The following ABLIM1 variants were observed in gnomAD, a reference collection of about 807,000 sequenced individuals.
ABLIM1 encodes actin-binding LIM protein 1.
Under a neutral mutation model 107.0 loss-of-function variants are expected in ABLIM1, and 40 were observed. The observed-to-expected ratio is 0.37, with a 90% CI of 0.29 to 0.49. ABLIM1 has a LOEUF of 0.49. Ranked by LOEUF, ABLIM1 falls within the 20% of genes least tolerant of loss-of-function variation. ABLIM1 has a pLI of 0.97. For missense variants in ABLIM1, 857 were observed against 1,008.5 expected, an observed-to-expected ratio of 0.85 and a Z score of 2.04; for synonymous variants, 357 against 357.3, an observed-to-expected ratio of 1.00 and a Z score of 0.01.
intron 8 of ABLIM1, among the ~76,000 whole-genome samples, chr10:114,476,929 G>A (rs1305130070): frequency 6.6e-6 from 1 of 152,002 alleles, no homozygotes; most frequent in Non-Finnish European, 1.5e-5. Context: ...AATGTCTACT[G>A]CCCACTTACT....
In ABLIM1 at chr10:114,437,830, C is replaced by T. The variant is rs182180503; in HGVS notation, c.2223+14G>A. ...GATCTGCAGTTGGGACTGGATTTTT[C>T]GGTTTTGTTTTACCTCCAGCCTGGT... On this transcript the variant is annotated intron_variant, in intron 22 of 22. Transcript: ENST00000533213. The T allele has an allele frequency of 9.8e-4, 1,572 of 1,611,684 alleles. 4 individuals are homozygous for T. Among genetic ancestry groups the T allele is most frequent in the Non-Finnish European group, 9.3e-4 (1,091 of 1,178,114 alleles).
At chr10:114,688,886 C>T (rs1271215948), upstream of ABLIM1, among the ~76,000 whole-genome samples, 1 of 152,146 alleles carries the variant, frequency 6.6e-6, no homozygotes, top group Non-Finnish European at 1.5e-5. Context: ...AAAAATTTAG[C>T]GTATACCCAA....
chr10:114,750,678 T>C (rs1290738970), intron 1 of ABLIM1, among the ~76,000 whole-genome samples: 1 of 152,218 alleles, frequency 6.6e-6, no homozygotes, highest in Non-Finnish European at 1.5e-5. Context: ...CATCCCTTTT[T>C]TATGACCTAG....
intron 1 of ABLIM1, among the ~76,000 whole-genome samples, chr10:114,642,602 G>A (rs2078801520): frequency 1.3e-5 from 2 of 152,096 alleles, no homozygotes; most frequent in African/African-American, 4.8e-5. Context: ...TAGAAGTAGA[G>A]AACCTAAGAA....
chr10:114,673,007 C>T (rs1005001223), intron 1 of ABLIM1, among the ~76,000 whole-genome samples: 1 of 152,056 alleles, frequency 6.6e-6, no homozygotes, highest in African/African-American at 2.4e-5. Context: ...CCTGTAATTC[C>T]AGCACTTTGG....
At chr10:114,757,888 C>T (rs73373760) in intron 1 of ABLIM1, among the ~76,000 whole-genome samples, 2,224 of 152,260 alleles carry the variant, frequency 0.015, 56 homozygotes, top group African/African-American at 0.051. Context: ...CCCCCAACTA[C>T]CTCTCTGACT....
chr10:114,516,508 A>G (rs1288684183), intron 6 of ABLIM1, among the ~76,000 whole-genome samples: 1 of 152,166 alleles, frequency 6.6e-6, no homozygotes, highest in Non-Finnish European at 1.5e-5. Flanking sequence ...TGGGTGACAG[A>G]GCAAGACTCT....
At chr10:114,687,881 AAG>A (rs1273838930), upstream of ABLIM1, among the ~76,000 whole-genome samples, 1 of 152,202 alleles carries the variant, frequency 6.6e-6, no homozygotes, top group Non-Finnish European at 1.5e-5. Flanking sequence ...TTTATCTAGA[AAG>A]GCACAGGAAA....
Position 114,491,842 on chromosome 10 carries a change from A to G in ABLIM1, c.931T>C (p.Cys311Arg). 2 of 1,612,456 alleles carry G rather than the reference A, an allele frequency of 1.2e-6. No individual in the cohort carries two copies. The highest frequency in any genetic ancestry group is 1.7e-6 in the Non-Finnish European group (2 of 1,178,660). ...DKHYHPSCAR[C>R]SRCNQMFTEG... ...GTGAACATCTGGTTGCATCTGCTGC[A>G]TCGTGCACAGCTGGGGTGGTAATGT... Residue 311 changes from cysteine to arginine, a missense_variant, in exon 7 of 23, where the codon TGC becomes CGC. Coordinates refer to ENST00000533213, the MANE Select transcript of ABLIM1 (RefSeq NM_002313.7).
chr10:114,685,955 T>C (rs193219767), upstream of ABLIM1, among the ~76,000 whole-genome samples: 267 of 152,300 alleles, frequency 1.8e-3, 2 homozygotes, highest in Non-Finnish European at 2.8e-3. Flanking sequence ...CTACTTGATA[T>C]TAAATGAGAG....
chr10:114,611,709 G>T (rs551238441), intron 1 of ABLIM1, among the ~76,000 whole-genome samples: 3 of 152,090 alleles, frequency 2.0e-5, no homozygotes, highest in African/African-American at 7.2e-5. Flanking sequence ...ATCACTTGGC[G>T]CACTTGCCCT....
intron 1 of ABLIM1, among the ~76,000 whole-genome samples, chr10:114,705,886 G>A (rs1308358762): frequency 6.6e-6 from 1 of 152,220 alleles, no homozygotes; most frequent in Admixed American, 6.5e-5. Context: ...CGAAGTGGGA[G>A]TATGGATCAA....
upstream of ABLIM1, among the ~76,000 whole-genome samples, chr10:114,770,477 T>C (rs1375075081): frequency 2.6e-5 from 4 of 152,132 alleles, no homozygotes; most frequent in Middle Eastern, 3.2e-3. Context: ...GTTTCCTGTC[T>C]CCCTGCCTTT....
At chr10:114,717,504 T>C (rs1374217826) in intron 1 of ABLIM1, among the ~76,000 whole-genome samples, 1 of 152,134 alleles carries the variant, frequency 6.6e-6, no homozygotes, top group Non-Finnish European at 1.5e-5. Flanking sequence ...CTCTACCTAG[T>C]AGATGCCAGT....
chr10:114,727,254 A>G (rs1040020939), intron 1 of ABLIM1, among the ~76,000 whole-genome samples: 1 of 152,230 alleles, frequency 6.6e-6, no homozygotes, highest in African/African-American at 2.4e-5. Context: ...CACCTTAGGA[A>G]CTATTCTTAA....
At chr10:114,522,814 C>T (rs760716744) in intron 6 of ABLIM1, among the ~76,000 whole-genome samples, 6 of 152,198 alleles carry the variant, frequency 3.9e-5, no homozygotes, top group Admixed American at 6.5e-5. Context: ...GCTTAAGGTA[C>T]AAGAAAGGCT....
At chr10:114,778,723 C>T in the ABLIM1 span, 2 of 152,262 alleles carry the variant, frequency 1.3e-5, no homozygotes, top group Admixed American at 6.5e-5. Context: ...CTCCTCTCAT[C>T]TTTCCAGAGT....
At chr10:114,772,752 T>A (rs918122210), upstream of ABLIM1, among the ~76,000 whole-genome samples, 13 of 152,126 alleles carry the variant, frequency 8.5e-5, no homozygotes, top group African/African-American at 3.1e-4. Flanking sequence ...AACAAATAGA[T>A]ACTAAGTAGT....
chr10:114,505,104 G>A (rs1244541544), intron 6 of ABLIM1, among the ~76,000 whole-genome samples: 4 of 152,140 alleles, frequency 2.6e-5, no homozygotes, highest in Non-Finnish European at 5.9e-5. Flanking sequence ...CTATTAAGTC[G>A]GCTGGTGCTG....
Sources: gnomAD v4.1 joint callset for allele counts (sites outside exome capture counted in the v4.1 genomes callset) on GRCh38, gnomAD v4.1.1 for gene constraint, MANE v1.5 for transcripts, NCBI Gene and HGNC (gene_info 2026-07-23, HGNC 2026-07-21) for gene names.